The following USP42 variants were observed in gnomAD, a reference collection of about 807,000 sequenced individuals.
USP42 encodes ubiquitin specific peptidase 42.
Under a neutral mutation model 113.0 loss-of-function variants are expected in USP42, and 23 were observed. The ratio of observed to expected loss-of-function variants is 0.20; its 90% confidence interval spans 0.15 to 0.29. The LOEUF (loss-of-function observed/expected upper bound fraction) is 0.29, where lower values mean the gene tolerates loss of function less well. Among genes scored for constraint, USP42 ranks in the 10% least tolerant of loss-of-function variants. USP42 has a pLI of 1.00. For synonymous variants in USP42, 933 were observed against 699.0 expected, an observed-to-expected ratio of 1.33 and a Z score of -5.28; for missense variants, 2,174 against 1,779.8, an observed-to-expected ratio of 1.22 and a Z score of -3.99.
intron 1 of USP42, among the ~76,000 whole-genome samples, chr7:6,106,508 A>C (rs752808563): frequency 2.6e-5 from 4 of 152,206 alleles, no homozygotes; most frequent in Admixed American, 6.5e-5. Context: ...CTAGTATTTA[A>C]AGCAAAGGAA....
intron 10 of USP42, 21 bp from the exon 11 acceptor site, chr7:6,146,127 T>G: frequency 6.8e-7 from 1 of 1,470,312 alleles, no homozygotes; most frequent in African/African-American, 1.4e-5. Flanking sequence ...ATCTCTCTCT[T>G]TTATTGGCTC....
intron 3 of USP42, among the ~76,000 whole-genome samples, chr7:6,119,013 G>C (rs1311042888): frequency 1.3e-5 from 2 of 151,272 alleles, no homozygotes; most frequent in African/African-American, 4.9e-5. Flanking sequence ...CCAGGAGTTT[G>C]AGACCAGCCT....
the USP42 span, among the ~76,000 whole-genome samples, chr7:6,091,381 C>T: frequency 1.3e-5 from 2 of 150,456 alleles, no homozygotes; most frequent in Admixed American, 1.3e-4. Flanking sequence ...CATGCATCAT[C>T]ATGCCCACCT....
chr7:6,105,776 TGTTG>T (rs1779246433), intron 1 of USP42, among the ~76,000 whole-genome samples: 1 of 152,214 alleles, frequency 6.6e-6, no homozygotes, highest in Non-Finnish European at 1.5e-5. Context: ...CCGTTGCAGA[TGTTG>T]GAAATGAAAA....
intron 3 of USP42, among the ~76,000 whole-genome samples, chr7:6,126,502 G>A (rs1280091801): frequency 1.3e-5 from 2 of 152,044 alleles, no homozygotes; most frequent in East Asian, 3.8e-4. Flanking sequence ...AGCCAGGATG[G>A]TCTCTATCTC....
intron 14 of USP42, among the ~76,000 whole-genome samples, chr7:6,153,176 G>A (rs1782170356): frequency 6.6e-6 from 1 of 152,058 alleles, no homozygotes; most frequent in Admixed American, 6.5e-5. Context: ...GGGAAGCTGG[G>A]TCAGGAGAAT....
intron 6 of USP42, among the ~76,000 whole-genome samples, chr7:6,140,493 T>C (rs967244890): frequency 2.0e-5 from 3 of 152,222 alleles, no homozygotes; most frequent in African/African-American, 7.2e-5. Flanking sequence ...GTTGGAGTAG[T>C]GTTCCATTTA....
intron 3 of USP42, among the ~76,000 whole-genome samples, chr7:6,132,492 G>A (rs1390131929): frequency 6.6e-6 from 1 of 151,384 alleles, no homozygotes; most frequent in Non-Finnish European, 1.5e-5. Context: ...TGAGTAGCTG[G>A]GGTTACAGGC....
intron 3 of USP42, among the ~76,000 whole-genome samples, chr7:6,122,837 C>T (rs1033457717): frequency 6.6e-6 from 1 of 151,616 alleles, no homozygotes; most frequent in Non-Finnish European, 1.5e-5. Flanking sequence ...CTCCTGGCTT[C>T]AAGACAGTTG....
intron 2 of USP42, among the ~76,000 whole-genome samples, chr7:6,114,533 A>G (rs896070947): frequency 9.9e-5 from 15 of 150,990 alleles, no homozygotes; most frequent in African/African-American, 3.7e-4. Flanking sequence ...TTTTTTCTAA[A>G]AATCAAAAAT....
the USP42 span, among the ~76,000 whole-genome samples, chr7:6,090,947 G>A: frequency 6.7e-6 from 1 of 150,258 alleles, no homozygotes; most frequent in Non-Finnish European, 1.5e-5. Context: ...TATGTTCCAG[G>A]AAGAATTTGT....
rs772172714 is a variant in USP42, at chr7:6,155,004, G to C, written c.3450G>C (p.Arg1150=). The change falls in exon 15 of 18, where the codon CGG becomes CGC. Residue 1150 remains arginine, a synonymous_variant. Transcript: ENST00000306177. ...GAGACAACTGTAACCTCTCTGATCG[G>C]TTTCACGAACACGAAAATGGAAAGT... ...VAGDNCNLSD[R]FHEHENGKSR... 2 of 1,564,850 alleles carry C rather than the reference G, an allele frequency of 1.3e-6. No individual in the cohort carries two copies. The highest frequency in any genetic ancestry group is 1.7e-6 in the Non-Finnish European group (2 of 1,154,488).
chr7:6,114,113 A>G (rs1216726331), intron 2 of USP42, among the ~76,000 whole-genome samples: 1 of 152,182 alleles, frequency 6.6e-6, no homozygotes, highest in Non-Finnish European at 1.5e-5. Context: ...TCTCCTCACA[A>G]GTGTGTACAG....
intron 15 of USP42, among the ~76,000 whole-genome samples, chr7:6,155,741 A>T (rs536636997): frequency 1.3e-5 from 2 of 152,092 alleles, no homozygotes. Flanking sequence ...TTGAAATCCA[A>T]TTGGGAAATT....
intron 3 of USP42, among the ~76,000 whole-genome samples, chr7:6,124,027 C>G (rs549936520): frequency 6.6e-6 from 1 of 152,020 alleles, no homozygotes; most frequent in Non-Finnish European, 1.5e-5. Flanking sequence ...AGACATGCGC[C>G]GCCGTGCCCG....
chr7:6,146,382 G>A (rs1245694096), intron 11 of USP42, 134 bp downstream of exon 11: 2 of 645,966 alleles, frequency 3.1e-6, no homozygotes, highest in African/African-American at 3.8e-5. Context: ...ACTCTAGCCT[G>A]GGCATGGTGC....
At chr7:6,140,258 A>G in intron 6 of USP42, 63 bp downstream of exon 6, 1 of 1,455,314 alleles carries the variant, frequency 6.9e-7, no homozygotes, top group Non-Finnish European at 9.6e-7. Context: ...TGGTAATAGT[A>G]GGACAGGGTT....
At chr7:6,115,790 C>T (rs1410858342) in intron 3 of USP42, among the ~76,000 whole-genome samples, 2 of 152,034 alleles carry the variant, frequency 1.3e-5, no homozygotes, top group African/African-American at 4.8e-5. Flanking sequence ...GTTTTCTACA[C>T]TTACTAAAAA....
At chr7:6,107,888 CATTGAA>C (rs1280206768) in intron 1 of USP42, among the ~76,000 whole-genome samples, 6 of 152,142 alleles carry the variant, frequency 3.9e-5, no homozygotes, top group Non-Finnish European at 7.3e-5. Context: ...TTTCTTAGTT[CATTGAA>C]ATTGACAAAC....
Sources: gnomAD v4.1 joint callset for allele counts (sites outside exome capture counted in the v4.1 genomes callset) on GRCh38, gnomAD v4.1.1 for gene constraint, MANE v1.5 for transcripts, NCBI Gene and HGNC (gene_info 2026-07-23, HGNC 2026-07-21) for gene names.